NAALADL2: variants seen among roughly 807,000 people sequenced by gnomAD.
NAALADL2 encodes the protein inactive N-acetylated-alpha-linked acidic dipeptidase-like protein 2.
Under a neutral mutation model 87.2 loss-of-function variants are expected in NAALADL2, and 76 were observed. That is an observed-to-expected ratio of 0.87 (90% CI 0.72 to 1.05). The LOEUF is 1.05. Among genes scored for constraint, NAALADL2 ranks in the 50% least tolerant of loss-of-function variants. The pLI is 0.00. For missense variants in NAALADL2, 1,089 were observed against 945.8 expected (o/e 1.15, Z -1.99); for synonymous variants, 354 against 331.0 (o/e 1.07, Z -0.75).
At chr3:175,329,421 A>G (rs1041745829) in intron 5 of NAALADL2, among the ~76,000 whole-genome samples, 2 of 152,198 alleles carry the variant, frequency 1.3e-5, no homozygotes, top group African/African-American at 4.8e-5. Flanking sequence ...AGAATAAAGA[A>G]TATCACTGTA....
intron 9 of NAALADL2, among the ~76,000 whole-genome samples, chr3:175,492,425 A>G (rs2149347568): frequency 6.6e-6 from 1 of 152,316 alleles, no homozygotes. Flanking sequence ...AAAGAAAGAC[A>G]TTAAGATATA....
rs1576890423 is a variant in NAALADL2, at chr3:175,809,355, T to G, written c.*6152T>G. ...CATGTTTACATTTCTAACAGAAAGG[T>G]TTAATGGCAAATATTCCTTATATTC... On this transcript the variant is annotated 3_prime_UTR_variant, in exon 14 of 14. Transcript: ENST00000454872. The G allele has an allele frequency of 6.6e-6, 1 of 151,034 alleles. No individual in the cohort carries two copies. Among genetic ancestry groups the G allele is most frequent in the Non-Finnish European group, 1.5e-5 (1 of 67,728 alleles). 9.4% of individuals were successfully genotyped at this position (151,034 alleles called of 1,614,324 possible).
intron 5 of NAALADL2, among the ~76,000 whole-genome samples, chr3:175,324,793 TATG>T (rs1760479093): frequency 6.6e-6 from 1 of 152,214 alleles, no homozygotes; most frequent in South Asian, 2.1e-4. Context: ...ATGGATTTAA[TATG>T]ATTTTCTGGC....
At chr3:174,953,106 A>C (rs1193251688) in intron 1 of NAALADL2, among the ~76,000 whole-genome samples, 1 of 152,012 alleles carries the variant, frequency 6.6e-6, no homozygotes, top group African/African-American at 2.4e-5. Context: ...TTTACAGAAG[A>C]AGAAATTGAG....
intron 4 of NAALADL2, among the ~76,000 whole-genome samples, chr3:175,308,174 C>A (rs897138260): frequency 2.6e-5 from 4 of 152,068 alleles, no homozygotes; most frequent in Admixed American, 2.0e-4. Context: ...TTGTGATAAA[C>A]CCACATGGAA....
intron 1 of NAALADL2, among the ~76,000 whole-genome samples, chr3:174,974,899 G>A (rs894290729): frequency 6.6e-6 from 1 of 151,994 alleles, no homozygotes; most frequent in African/African-American, 2.4e-5. Context: ...AGGTTTCAGG[G>A]ATGATAGTTT....
At chr3:175,192,773 GTTGTT>G (rs1378251477) in intron 2 of NAALADL2, among the ~76,000 whole-genome samples, 4 of 152,024 alleles carry the variant, frequency 2.6e-5, no homozygotes, top group Non-Finnish European at 2.9e-5. Flanking sequence ...CAAATCAGTA[GTTGTT>G]TTGTTTATTG....
intron 2 of NAALADL2, among the ~76,000 whole-genome samples, chr3:175,229,032 T>A (rs1744564729): frequency 6.6e-6 from 1 of 151,906 alleles, no homozygotes; most frequent in Admixed American, 6.6e-5. Context: ...CATACAATTG[T>A]CTTAATAAAT....
rs146465563 is a variant in NAALADL2, at chr3:174,632,144, G to A, written c.-115+81507G>A. On this transcript the variant is annotated intron_variant, in intron 2 of 3. Coordinates refer to the NAALADL2 transcript ENST00000434257. ...AGTGAATAGAGGCTTGACCTTGGGA[G>A]TCTGCAAACCTGCCTGAGTAGTTAT... 2.6e-5 allele frequency: 4 copies of A among 152,298 alleles called. No individual in the cohort carries two copies. In the East Asian group the frequency reaches 5.8e-4, roughly 22 times the overall value. The allele number at this position is 152,298 out of a possible 1,614,324, so 9.4% of individuals were successfully genotyped here.
intron 5 of NAALADL2, among the ~76,000 whole-genome samples, chr3:175,351,402 T>G (rs904968323): frequency 6.6e-6 from 1 of 152,070 alleles, no homozygotes. Context: ...TATATACATA[T>G]ATGATAACAT....
chr3:174,858,120 TTTATATA>T (rs1167595347), upstream of NAALADL2, among the ~76,000 whole-genome samples: 1 of 148,290 alleles, frequency 6.7e-6, no homozygotes, highest in Non-Finnish European at 1.5e-5. Context: ...TAAAAATGTT[TTTATATA>T]TTATATATTT....
intron 5 of NAALADL2, among the ~76,000 whole-genome samples, chr3:175,416,230 A>G (rs2149106336): frequency 6.6e-6 from 1 of 152,322 alleles, no homozygotes; most frequent in Admixed American, 6.5e-5. Flanking sequence ...GTTTTCTAAA[A>G]TGGCAAGAAC....
intron 4 of NAALADL2, 40 bp from the exon 5 acceptor site, chr3:175,324,135 T>G (rs761803118): frequency 2.6e-5 from 41 of 1,588,816 alleles, no homozygotes; most frequent in Non-Finnish European, 3.4e-5. Flanking sequence ...ACTTTTAATG[T>G]GCATGATAAT....
intron 10 of NAALADL2, among the ~76,000 whole-genome samples, chr3:175,623,682 C>T (rs1321016297): frequency 2.0e-5 from 3 of 151,948 alleles, no homozygotes; most frequent in Non-Finnish European, 4.4e-5. Flanking sequence ...ACAGCTACAA[C>T]TAAATAATAT....
intron 1 of NAALADL2, chr3:175,079,319 G>T (rs982069313): frequency 6.6e-6 from 1 of 152,106 alleles, no homozygotes; most frequent in Admixed American, 6.6e-5. Flanking sequence ...AGATAATCTG[G>T]ACTCAAATAT....
At chr3:174,905,308 T>C (rs545034535) in intron 1 of NAALADL2, among the ~76,000 whole-genome samples, 72 of 152,074 alleles carry the variant, frequency 4.7e-4, no homozygotes, top group Non-Finnish European at 8.7e-4. Flanking sequence ...CAATCAATCA[T>C]ATATTGCTTA....
intron 2 of NAALADL2, among the ~76,000 whole-genome samples, chr3:175,182,550 GTTTTTTTTTT>G (rs1161831796): frequency 0.01 from 718 of 69,460 alleles, 9 homozygotes; most frequent in African/African-American, 0.038. Context: ...ACCACAGCCA[GTTTTTTTTTT>G]TTTTTTTTTT....
At chr3:175,232,655 G>T (rs1745157914) in intron 2 of NAALADL2, among the ~76,000 whole-genome samples, 1 of 152,184 alleles carries the variant, frequency 6.6e-6, no homozygotes, top group Admixed American at 6.6e-5. Flanking sequence ...AGCTGTCGTG[G>T]GGCCATATGC....
chr3:174,718,361 A>G (rs991879019), intron 2 of NAALADL2, among the ~76,000 whole-genome samples: 1 of 152,164 alleles, frequency 6.6e-6, no homozygotes, highest in Non-Finnish European at 1.5e-5. Flanking sequence ...ACAAAAGCTA[A>G]AATAGGAGGT....
Sources: gnomAD v4.1 joint callset for allele counts (sites outside exome capture counted in the v4.1 genomes callset) on GRCh38, gnomAD v4.1.1 for gene constraint, MANE v1.5 for transcripts, NCBI Gene and HGNC (gene_info 2026-07-23, HGNC 2026-07-21) for gene names.